Variants in MPDZ observed in about 807,000 individuals in gnomAD.
The protein encoded by MPDZ is multiple PDZ domain protein.
In MPDZ, 234 loss-of-function variants were observed where a neutral mutation model predicts 239.1. The ratio of observed to expected loss-of-function variants is 0.98; its 90% CI spans 0.88 to 1.09. The LOEUF is 1.09. Among genes scored for constraint, MPDZ ranks in the 50% least tolerant of loss-of-function variants. The pLI is 0.00. For missense variants in MPDZ, 3,175 were observed against 2,510.0 expected (o/e 1.26, Z -5.66); for synonymous variants, 1,048 against 881.3 (o/e 1.19, Z -3.35).
intron 1 of MPDZ, among the ~76,000 whole-genome samples, chr9:13,266,464 C>T (rs1971816050): frequency 6.6e-6 from 1 of 152,186 alleles, no homozygotes; most frequent in African/African-American, 2.4e-5. Flanking sequence ...TCTCTTGGCC[C>T]ATTCTTTGCA....
rs145285395 is a variant in MPDZ at position 13,161,335 on chromosome 9, C to T, written c.3359+1356G>A. ...TTATAATCCCAGCACTTTGGGAGGC[C>T]GAGGCTGGTGGATCACCTGAGGTCA... On this transcript the variant is annotated intron_variant, in intron 23 of 46. Transcript: ENST00000319217. 3.5e-3 allele frequency among the ~76,000 whole-genome samples: 528 copies of T among 152,052 alleles called. 5 individuals are homozygous for T. The highest frequency in any genetic ancestry group is 5.5e-3 in the Non-Finnish European group (377 of 67,968).
Position 13,133,841 on chromosome 9 carries a change from G to A in MPDZ, c.4447C>T (p.His1483Tyr), listed in dbSNP as rs1239566087. 4 of 1,603,620 alleles carry A rather than the reference G, an allele frequency of 2.5e-6. No individual in the cohort carries two copies. Among genetic ancestry groups the A allele is most frequent in the Non-Finnish European group, 3.4e-6 (4 of 1,172,744 alleles). ...AGATTTACCTTGGGAAGCTCCAGAT[G>A]TTGCACATTTTTAAATGAACTGAGG... ...VDLSSFKNVQHLELPKDQGGL... is the reference protein window; with the variant it reads ...VDLSSFKNVQYLELPKDQGGL... Residue 1483 changes from histidine to tyrosine, a missense_variant, in exon 32 of 47, where the codon CAT becomes TAT. Coordinates refer to ENST00000319217, the MANE Select transcript of MPDZ (RefSeq NM_001378778.1).
At chr9:13,107,681 T>C (rs952868798) in intron 46 of MPDZ, among the ~76,000 whole-genome samples, 3 of 152,184 alleles carry the variant, frequency 2.0e-5, no homozygotes, top group Non-Finnish European at 2.9e-5. Context: ...CTGTCTTAGT[T>C]CTTACTTCCC....
At chr9:13,206,218 A>C (rs1956976673) in intron 10 of MPDZ, 119 bp from the exon 11 acceptor site, 1 of 926,256 alleles carries the variant, frequency 1.1e-6, no homozygotes, top group African/African-American at 1.7e-5. Flanking sequence ...ATAAGTATTC[A>C]CCTTATCAGG....
chr9:13,132,657 G>A (rs995941554), intron 32 of MPDZ, among the ~76,000 whole-genome samples: 5 of 152,114 alleles, frequency 3.3e-5, no homozygotes, highest in Admixed American at 1.3e-4. Flanking sequence ...TGTGCCAGGT[G>A]CTGGAAACTG....
Position 13,189,594 on chromosome 9 carries a change from G to A in MPDZ, c.2154+520C>T, listed in dbSNP as rs1042972910. On this transcript the variant is annotated intron_variant, in intron 16 of 46. Transcript: ENST00000319217. ...GATTTAGTGTAAGTAAGGAACAACAGCTGCACTCTATCAGACAGGCTTTAC... is the reference window on the plus strand; with the variant it reads ...GATTTAGTGTAAGTAAGGAACAACAACTGCACTCTATCAGACAGGCTTTAC... Among the ~76,000 whole-genome samples, 8 of 152,214 alleles carry A rather than the reference G, an allele frequency of 5.3e-5. No homozygotes were observed. The South Asian group carries it at 1.5e-3, about 28-fold the overall frequency.
chr9:13,267,743 G>C (rs764043189), intron 1 of MPDZ, among the ~76,000 whole-genome samples: 15 of 152,160 alleles, frequency 9.9e-5, no homozygotes, highest in Non-Finnish European at 1.8e-4. Context: ...GAAGCTGAAA[G>C]GGAGAAGGGA....
intron 45 of MPDZ, 111 bp downstream of exon 45, chr9:13,109,841 A>C: frequency 1.2e-6 from 1 of 808,786 alleles, no homozygotes; most frequent in Non-Finnish European, 2.0e-6. Flanking sequence ...CATATATCCT[A>C]TCATTTTACC....
intron 13 of MPDZ, 56 bp downstream of exon 13, chr9:13,196,065 C>T: frequency 8.5e-7 from 1 of 1,180,818 alleles, no homozygotes; most frequent in Non-Finnish European, 1.2e-6. Flanking sequence ...TTCCCTCGAA[C>T]TGCCTGCTCA....
rs529357772 is a variant in MPDZ, at chr9:13,216,822, A to G, written c.1242T>C (p.Ser414=). Residue 414 remains serine, a synonymous_variant, in exon 10 of 47, where the codon AGT becomes AGC. Coordinates refer to ENST00000319217, the MANE Select transcript of MPDZ (RefSeq NM_001378778.1). ...GIFVKSITKS[S]AVEHDGRIQI... is the part of the protein sequence containing the mutation. ...GGATTCTTCCATCATGCTCAACGGC[A>G]CTGCTTTTTGTAATGCTCTTTACAA... The G allele has an allele frequency of 4.3e-6, 7 of 1,610,252 alleles. No homozygotes were observed. Among genetic ancestry groups the G allele is most frequent in the Non-Finnish European group, 5.9e-6 (7 of 1,178,098 alleles).
chr9:13,160,408 G>A (rs1234675914), intron 23 of MPDZ, among the ~76,000 whole-genome samples: 1 of 152,040 alleles, frequency 6.6e-6, no homozygotes, highest in Non-Finnish European at 1.5e-5. Context: ...GACAATCCAG[G>A]CCATCCTCTT....
At position 13,184,927 on chromosome 9, in the gene MPDZ, G is replaced by A. The variant is rs370727110; in HGVS notation, c.2482-1342C>T. ...TAAGATGCCAAGCTCACATAAAAGT[G>A]GAACTAATCTTCCTTTTGATTGGTA... On this transcript the variant is annotated intron_variant, in intron 18 of 46. Coordinates refer to ENST00000319217, the MANE Select transcript of MPDZ (RefSeq NM_001378778.1). 3.9e-5 allele frequency among the ~76,000 whole-genome samples: 6 copies of A among 152,038 alleles called. No individual in the cohort carries two copies. In the East Asian group the frequency reaches 9.7e-4, roughly 25 times the overall value.
intron 26 of MPDZ, among the ~76,000 whole-genome samples, chr9:13,146,299 G>T (rs974936426): frequency 3.3e-5 from 5 of 151,998 alleles, no homozygotes; most frequent in African/African-American, 9.7e-5. Flanking sequence ...TCACTTTACA[G>T]TCCATGGCAT....
At chr9:13,123,587 G>C (rs1426178771) in intron 35 of MPDZ, among the ~76,000 whole-genome samples, 6 of 152,088 alleles carry the variant, frequency 3.9e-5, no homozygotes, top group Admixed American at 3.9e-4. Context: ...TAAAGGAGAG[G>C]ATATGAAGAA....
intron 3 of MPDZ, among the ~76,000 whole-genome samples, chr9:13,236,494 T>C (rs1222526264): frequency 6.6e-6 from 1 of 150,906 alleles, no homozygotes; most frequent in East Asian, 2.0e-4. Context: ...TTGGTCAGGC[T>C]GGTCTCGAAC....
chr9:13,173,859 C>T (rs1233913695), intron 21 of MPDZ, among the ~76,000 whole-genome samples: 1 of 152,098 alleles, frequency 6.6e-6, no homozygotes, highest in East Asian at 1.9e-4. Flanking sequence ...CACTCTTCTA[C>T]CCTTAGCTCC....
At chr9:13,198,206 A>G (rs1381829406) in intron 12 of MPDZ, among the ~76,000 whole-genome samples, 4 of 152,224 alleles carry the variant, frequency 2.6e-5, no homozygotes, top group African/African-American at 7.2e-5. Flanking sequence ...AATTTACATT[A>G]CCATCAACAG....
intron 27 of MPDZ, among the ~76,000 whole-genome samples, chr9:13,142,616 A>T (rs2132583808): frequency 6.6e-6 from 1 of 152,250 alleles, no homozygotes; most frequent in South Asian, 2.1e-4. Flanking sequence ...CGAAAATTCC[A>T]CACTGACACA....
chr9:13,213,566 T>G (rs1191738773), intron 10 of MPDZ, among the ~76,000 whole-genome samples: 1 of 152,032 alleles, frequency 6.6e-6, no homozygotes, highest in Non-Finnish European at 1.5e-5. Context: ...AGTAAAAAAT[T>G]AATACATGTT....
Sources: allele counts gnomAD v4.1 joint callset (sites outside exome capture counted in the v4.1 genomes callset), GRCh38; gene constraint gnomAD v4.1.1; transcripts MANE v1.5; gene names NCBI Gene and HGNC (gene_info 2026-07-23, HGNC 2026-07-21).